The following COL23A1 variants were observed in gnomAD, a reference collection of about 807,000 sequenced individuals.
COL23A1 encodes the protein collagen alpha-1(XXIII) chain.
A neutral mutation model predicts 99.3 loss-of-function variants in COL23A1; 97 were observed. That is an observed-to-expected ratio of 0.98 (90% confidence interval 0.83 to 1.16). The LOEUF is 1.16. Among genes scored for constraint, COL23A1 ranks in the 50% most tolerant of loss-of-function variants. COL23A1 has a pLI of 0.00. For missense variants in COL23A1, 762 were observed against 757.4 expected, an observed-to-expected ratio of 1.01 and a Z score of -0.07; for synonymous variants, 320 against 308.2, an observed-to-expected ratio of 1.04 and a Z score of -0.40.
intron 2 of COL23A1, among the ~76,000 whole-genome samples, chr5:178,509,113 T>C (rs930023992): frequency 2.0e-5 from 3 of 152,154 alleles, no homozygotes; most frequent in Admixed American, 2.0e-4. Flanking sequence ...TTCTCCATGA[T>C]TGGTTTACAG....
At position 178,280,874 on chromosome 5, in the gene COL23A1, G is replaced by A. The variant is rs1756860457; in HGVS notation, c.441+7450C>T. Among the ~76,000 whole-genome samples the A allele has an allele frequency of 6.6e-6, 1 of 152,186 alleles. No individual in the cohort carries two copies. Among genetic ancestry groups the A allele is most frequent in the Non-Finnish European group, 1.5e-5 (1 of 68,034 alleles). On this transcript the variant is annotated intron_variant, in intron 5 of 28. Coordinates refer to ENST00000390654, the MANE Select transcript of COL23A1 (RefSeq NM_173465.4). This position sits in a 1 kb window ranked among gnomAD's most constrained non-coding sequence, Gnocchi z 4.9. ...TGCAGCAGATACAGGAGGCATCTGG[G>A]AGCCGAGGGCGGAGCAGCAGCTCGG... is the stretch of plus-strand genomic sequence containing the variant.
rs760031078 is a variant in COL23A1 at position 178,250,090 on chromosome 5, G to C, written c.1030C>G (p.Pro344Ala). ...TCTCCATCGATTCCTGGGGCACCGG[G>C]CAATCCAAGCTCGCCCTGGAAGGGA... ...IPGAKGELGL[P>A]GAPGIDGEKG... The change falls in exon 18 of 29, where the codon CCC becomes GCC. Residue 344 changes from proline (P) to alanine (A), a missense_variant. Physicochemically the swap from Pro to Ala is conservative, Grantham distance 27 (BLOSUM62 -1). Transcript: ENST00000390654. 1 of 1,614,174 alleles carries C rather than the reference G, an allele frequency of 6.2e-7. No individual in the cohort carries two copies. The highest frequency in any genetic ancestry group is 8.5e-7 in the Non-Finnish European group (1 of 1,180,020).
chr5:178,344,358 C>T (rs533056742), intron 2 of COL23A1, among the ~76,000 whole-genome samples: 15 of 151,982 alleles, frequency 9.9e-5, no homozygotes, highest in African/African-American at 3.4e-4. Flanking sequence ...GGTCTGTGGC[C>T]GGGCGTGGTG....
chr5:178,400,553 T>TA (rs1353370964), intron 2 of COL23A1, among the ~76,000 whole-genome samples: 1 of 152,150 alleles, frequency 6.6e-6, no homozygotes, highest in African/African-American at 2.4e-5. Flanking sequence ...AGACATAACA[T>TA]AAAAGTTACC....
intron 2 of COL23A1, among the ~76,000 whole-genome samples, chr5:178,314,903 G>T (rs569632543): frequency 8.5e-5 from 13 of 152,282 alleles, no homozygotes; most frequent in Admixed American, 8.5e-4. Context: ...CTCTCTCATT[G>T]AAGAAGATAC....
chr5:178,323,369 G>A (rs1175110016), intron 2 of COL23A1, among the ~76,000 whole-genome samples: 1 of 152,124 alleles, frequency 6.6e-6, no homozygotes, highest in Admixed American at 6.5e-5. Context: ...AGTCCCCAAG[G>A]CCCCTACTCT....
intron 12 of COL23A1, 125 bp from the exon 13 acceptor site, chr5:178,257,692 AG>A (rs1379615988): frequency 2.1e-6 from 2 of 958,420 alleles, no homozygotes; most frequent in African/African-American, 3.2e-5. Flanking sequence ...GGTACCAGGC[AG>A]CTCCTCCCCA....
intron 2 of COL23A1, among the ~76,000 whole-genome samples, chr5:178,332,722 A>C (rs1283923976): frequency 6.6e-6 from 1 of 152,008 alleles, no homozygotes; most frequent in African/African-American, 2.4e-5. Context: ...TATTAGAAAA[A>C]AAGCATGCAA....
At chr5:178,416,840 A>G (rs530394717) in intron 2 of COL23A1, among the ~76,000 whole-genome samples, 1 of 149,944 alleles carries the variant, frequency 6.7e-6, no homozygotes, top group African/African-American at 2.5e-5. Context: ...TCAGATGGAG[A>G]GCATAGCAGG....
At chr5:178,515,143 G>A (rs1759433655) in intron 2 of COL23A1, among the ~76,000 whole-genome samples, 1 of 152,220 alleles carries the variant, frequency 6.6e-6, no homozygotes, top group Non-Finnish European at 1.5e-5. Context: ...AGGGCACTGT[G>A]CCAGGCTCAG....
rs530187405 is a variant in COL23A1, at chr5:178,492,746, C to T, written c.361+67936G>A. ...CCATCACCTGTTCCCATAGAGGCCCCACCTCACAACAGAGGCTCCTGAGAG... is the reference window on the plus strand; with the variant it reads ...CCATCACCTGTTCCCATAGAGGCCCTACCTCACAACAGAGGCTCCTGAGAG... On this transcript the variant is annotated intron_variant, in intron 2 of 28. Transcript: ENST00000390654. 5.3e-5 allele frequency among the ~76,000 whole-genome samples: 8 copies of T among 152,024 alleles called. 1 individual carries two copies. Among genetic ancestry groups the T allele is most frequent in the Admixed American group, 5.2e-4 (8 of 15,250 alleles).
At chr5:178,426,511 G>A (rs10050728) in intron 2 of COL23A1, among the ~76,000 whole-genome samples, 16,177 of 152,162 alleles carry the variant, frequency 0.11, 1,364 homozygotes, top group African/African-American at 0.23. Context: ...CTGCGATCGC[G>A]CTCTGTGCTG....
intron 11 of COL23A1, among the ~76,000 whole-genome samples, chr5:178,260,461 T>C (rs1477488095): frequency 6.6e-6 from 1 of 152,104 alleles, no homozygotes; most frequent in Non-Finnish European, 1.5e-5. Flanking sequence ...TCCAACTAGA[T>C]GACACTCTGG....
rs1412816649 is a variant in COL23A1 at position 178,255,152 on chromosome 5, G to T, written c.883-126C>A. On this transcript the variant is annotated intron_variant, in intron 15 of 28. Transcript: ENST00000390654. This position sits in a 1 kb window ranked among gnomAD's most constrained non-coding sequence, Gnocchi z 4.2. Reference sequence around the variant, plus strand: ...AAGAGCCTCGTCACCCAGGCTGCACGCATGCCCCTCCCCAGGGTGGATGGA... The same window carrying T: ...AAGAGCCTCGTCACCCAGGCTGCACTCATGCCCCTCCCCAGGGTGGATGGA... 1 of 761,096 alleles carries T rather than the reference G, an allele frequency of 1.3e-6. No individual in the cohort carries two copies. 47.1% of individuals were successfully genotyped at this position (761,096 alleles called of 1,614,324 possible). A position where few individuals can be genotyped will look rare whatever the true frequency, so the allele number is the denominator to read the frequency against.
chr5:178,404,624 G>A (rs972516017), intron 2 of COL23A1, among the ~76,000 whole-genome samples: 57 of 121,434 alleles, frequency 4.7e-4, no homozygotes, highest in African/African-American at 2.1e-3. Flanking sequence ...GCACATAGTG[G>A]CCACTCAATA....
In COL23A1 at chr5:178,525,668, CCAGGACCCGAAGGCTAAGCTCACA is replaced by C. The variant is rs1327174328; in HGVS notation, c.361+34990_361+35013del. On this transcript the variant is annotated intron_variant, in intron 2 of 28. Transcript: ENST00000390654. The stretch of plus-strand genomic sequence containing the variant: ...GAAATGGCGACACAGCGCGCAGACC[CCAGGACCCGAAGGCTAAGCTCACA>C]TGGCTGGTAAGAAATGGCGACACAG... Among the ~76,000 whole-genome samples, 21 of 82,828 alleles carry C rather than the reference CCAGGACCCGAAGGCTAAGCTCACA, an allele frequency of 2.5e-4. 1 individual carries two copies. The highest frequency in any genetic ancestry group is 5.6e-3 in the Middle Eastern group (1 of 180). The allele number at this position is 82,828 out of a possible 152,430, so 54.3% of individuals were successfully genotyped here. A position where few individuals can be genotyped will look rare whatever the true frequency, so the allele number is the denominator to read the frequency against.
chr5:178,244,741 T>A (rs1764580608), intron 25 of COL23A1, among the ~76,000 whole-genome samples: 1 of 152,240 alleles, frequency 6.6e-6, no homozygotes, highest in Non-Finnish European at 1.5e-5. Flanking sequence ...TATGAGTAAT[T>A]TTAAGCCAGT....
At chr5:178,286,213 C>A (rs1278925822) in intron 5 of COL23A1, among the ~76,000 whole-genome samples, 1 of 152,136 alleles carries the variant, frequency 6.6e-6, no homozygotes, top group Non-Finnish European at 1.5e-5. Flanking sequence ...CCAGGCCCAG[C>A]CTGCTCAGGC....
chr5:178,296,415 T>C (rs1342629846), intron 3 of COL23A1, among the ~76,000 whole-genome samples: 2 of 152,186 alleles, frequency 1.3e-5, no homozygotes, highest in Admixed American at 6.5e-5. Flanking sequence ...CCAGAAAGGC[T>C]ACCATGCCCA....
Sources: allele counts gnomAD v4.1 joint callset (sites outside exome capture counted in the v4.1 genomes callset), GRCh38; gene constraint gnomAD v4.1.1; non-coding constraint Gnocchi (gnomAD v3.1); transcripts MANE v1.5; gene names NCBI Gene and HGNC (gene_info 2026-07-23, HGNC 2026-07-21).